The following NHSL1 variants were observed in gnomAD, a reference collection of about 807,000 sequenced individuals.
NHSL1 encodes NHS like 1.
NHSL1 carries 48 observed loss-of-function variants against 95.0 expected under a neutral mutation model. That is an observed-to-expected ratio of 0.51 (90% CI 0.40 to 0.64). NHSL1 has a LOEUF of 0.64. NHSL1 is among the 30% of genes least tolerant of loss of function. NHSL1 has a pLI of 0.00. For missense variants in NHSL1, 1,971 were observed against 2,077.7 expected, an observed-to-expected ratio of 0.95 and a Z score of 1.00; for synonymous variants, 783 against 833.9, an observed-to-expected ratio of 0.94 and a Z score of 1.05.
chr6:138,533,945 C>T (rs4896373), intron 1 of NHSL1, among the ~76,000 whole-genome samples: 1 of 152,322 alleles, frequency 6.6e-6, no homozygotes, highest in East Asian at 1.9e-4. Context: ...GTTTAAATTT[C>T]TAGAAACACA....
Position 138,650,396 on chromosome 6 carries a change from G to A in NHSL1, c.96+42080C>T, listed in dbSNP as rs773872196. On this transcript the variant is annotated intron_variant, in intron 1 of 3. Coordinates refer to the NHSL1 transcript ENST00000491526. ...AGTTGTTCACAGCCATGAGGTCGCC[G>A]ACTAGCAGGAAGGGGTAGGTCAGCA... The A allele has an allele frequency of 3.2e-5, 45 of 1,417,478 alleles. 1 individual carries two copies. Among genetic ancestry groups the A allele is most frequent in the Non-Finnish European group, 3.7e-5 (38 of 1,015,382 alleles). The allele number at this position is 1,417,478 out of a possible 1,614,324, so 87.8% of individuals were successfully genotyped here.
intron 3 of NHSL1, among the ~76,000 whole-genome samples, chr6:138,453,036 C>T (rs1270860826): frequency 1.3e-5 from 2 of 151,274 alleles, no homozygotes; most frequent in African/African-American, 4.9e-5. Flanking sequence ...AGTGTAGTGG[C>T]GCAATCTTGG....
exon 1 of NHSL1, chr6:138,572,139 G>A: frequency 2.1e-6 from 1 of 470,036 alleles, no homozygotes; most frequent in Non-Finnish European, 3.7e-6. Flanking sequence ...TAGCCACATT[G>A]TGGACTCCGT....
chr6:138,476,480 G>C (rs769290022), intron 2 of NHSL1, among the ~76,000 whole-genome samples: 13 of 152,216 alleles, frequency 8.5e-5, no homozygotes, highest in Non-Finnish European at 1.2e-4. Context: ...GAAATAAATA[G>C]ACACTGGGGA....
intron 3 of NHSL1, among the ~76,000 whole-genome samples, chr6:138,450,513 T>C (rs1777159265): frequency 6.6e-6 from 1 of 152,246 alleles, no homozygotes; most frequent in South Asian, 2.1e-4. Context: ...AAGCACTGTC[T>C]ACCATTTGTA....
intron 2 of NHSL1, among the ~76,000 whole-genome samples, chr6:138,492,930 TG>T (rs1393972676): frequency 2.6e-5 from 4 of 152,212 alleles, no homozygotes; most frequent in African/African-American, 9.6e-5. Flanking sequence ...TGAGGTTGAA[TG>T]AACTTAGACT....
intron 1 of NHSL1, among the ~76,000 whole-genome samples, chr6:138,607,736 G>T (rs972186911): frequency 2.6e-5 from 4 of 152,200 alleles, no homozygotes; most frequent in African/African-American, 9.7e-5. Flanking sequence ...TCCTTCCCAT[G>T]AGGCTTTGAA....
intron 1 of NHSL1, among the ~76,000 whole-genome samples, chr6:138,619,966 A>G (rs947733243): frequency 7.3e-5 from 11 of 151,636 alleles, no homozygotes; most frequent in Non-Finnish European, 1.6e-4. Flanking sequence ...AAAAAAAAAA[A>G]AATAGCAATC....
intron 1 of NHSL1, among the ~76,000 whole-genome samples, chr6:138,518,711 T>A (rs1781553222): frequency 6.6e-6 from 1 of 152,132 alleles, no homozygotes; most frequent in Admixed American, 6.5e-5. Context: ...GTAACTTCAA[T>A]AGAACATTCT....
At chr6:138,641,284 C>T (rs867143548) in intron 1 of NHSL1, among the ~76,000 whole-genome samples, 1 of 152,204 alleles carries the variant, frequency 6.6e-6, no homozygotes, top group African/African-American at 2.4e-5. Flanking sequence ...AGGAAAACAC[C>T]AAAACCTGGA....
upstream of NHSL1, among the ~76,000 whole-genome samples, chr6:138,549,790 A>G (rs1583396972): frequency 1.3e-5 from 2 of 152,180 alleles, no homozygotes; most frequent in Non-Finnish European, 2.9e-5. Context: ...CTGCAGCAAA[A>G]TGTTATAGCA....
Position 138,437,446 on chromosome 6 carries a change from A to ACACAC in NHSL1, c.665-3767_665-3766insGTGTG, listed in dbSNP as rs1491460792. The stretch of plus-strand genomic sequence containing the variant: ...CACACACACACACACACACACACAC[A>ACACAC]AAAAAAAAAAAAAAAAATACAATGC... On this transcript the variant is annotated intron_variant, in intron 5 of 7. Transcript: ENST00000343505. 1.5e-3 allele frequency among the ~76,000 whole-genome samples: 51 copies of ACACAC among 33,980 alleles called. 1 individual carries two copies. The highest frequency in any genetic ancestry group is 2.1e-3 in the African/African-American group (13 of 6,152). 22.3% of individuals were successfully genotyped at this position (33,980 alleles called of 152,430 possible).
At chr6:138,625,902 C>T (rs769249735) in intron 1 of NHSL1, among the ~76,000 whole-genome samples, 1 of 152,136 alleles carries the variant, frequency 6.6e-6, no homozygotes, top group Non-Finnish European at 1.5e-5. Context: ...TTAGGACTCT[C>T]GAAGTGCTGG....
Position 138,429,771 on chromosome 6 carries a change from T to G in NHSL1, c.4025A>C (p.Asp1342Ala), listed in dbSNP as rs908058422. The change falls in exon 7 of 8, where the codon GAT becomes GCT. Residue 1342 changes from aspartate (D) to alanine (A), a missense_variant. Physicochemically the swap from Asp to Ala is moderately radical, Grantham distance 126. Coordinates refer to ENST00000343505, the MANE Select transcript of NHSL1 (RefSeq NM_001144060.2). ...ACDFLKEDGNDEVMTPSRPRT... is the reference protein window; with the variant it reads ...ACDFLKEDGNAEVMTPSRPRT... ...GGGTCGACTGGGGGTCATTACCTCA[T>G]CATTCCCGTCTTCCTTGAGGAAGTC... 7.1e-6 allele frequency: 11 copies of G among 1,551,758 alleles called. No homozygotes were observed. The African/African-American group carries it at 1.5e-4, about 21-fold the overall frequency.
chr6:138,587,427 C>T (rs556726033), intron 1 of NHSL1, among the ~76,000 whole-genome samples: 8 of 123,630 alleles, frequency 6.5e-5, no homozygotes, highest in Admixed American at 1.8e-4. Flanking sequence ...ACTAAAAATA[C>T]AAAAAATTAG....
chr6:138,617,661 T>C (rs1431229648), intron 1 of NHSL1, among the ~76,000 whole-genome samples: 2 of 152,122 alleles, frequency 1.3e-5, no homozygotes, highest in African/African-American at 2.4e-5. Flanking sequence ...CAGACACACA[T>C]ACACAAACAC....
intron 1 of NHSL1, among the ~76,000 whole-genome samples, chr6:138,638,180 A>G (rs1784913283): frequency 6.6e-6 from 1 of 152,048 alleles, no homozygotes; most frequent in South Asian, 2.1e-4. Flanking sequence ...ATTCACGAAG[A>G]TAGAAGAGTA....
chr6:138,443,830 C>A (rs1405333845), intron 4 of NHSL1, among the ~76,000 whole-genome samples: 1 of 151,940 alleles, frequency 6.6e-6, no homozygotes, highest in East Asian at 1.9e-4. Context: ...ACCTCCATAT[C>A]AAAAAATAAA....
chr6:138,564,802 A>T (rs151193682), intron 1 of NHSL1, among the ~76,000 whole-genome samples: 2,303 of 152,310 alleles, frequency 0.015, 22 homozygotes, highest in Middle Eastern at 0.034. Context: ...TAGAGACAAG[A>T]GCCATCAGCT....
Sources: gnomAD v4.1 joint callset for allele counts (sites outside exome capture counted in the v4.1 genomes callset) on GRCh38, gnomAD v4.1.1 for gene constraint, MANE v1.5 for transcripts, NCBI Gene and HGNC (gene_info 2026-07-23, HGNC 2026-07-21) for gene names.